Variants in DSCAM observed in about 807,000 individuals in gnomAD.
The protein encoded by DSCAM is cell adhesion molecule DSCAM.
DSCAM carries 47 observed loss-of-function variants against 217.7 expected under a neutral mutation model. The observed-to-expected ratio is 0.22, with a 90% CI of 0.17 to 0.28. DSCAM has a LOEUF of 0.28. Among genes scored for constraint, DSCAM ranks in the 10% least tolerant of loss-of-function variants. The pLI, the probability that DSCAM is intolerant of heterozygous loss-of-function variation, is 1.00. For synonymous variants in DSCAM, 1,056 were observed against 1,015.3 expected (o/e 1.04, Z -0.76); for missense variants, 2,080 against 2,618.3 (o/e 0.79, Z 4.49).
At chr21:40,219,530 T>C (rs903569561) in intron 11 of DSCAM, among the ~76,000 whole-genome samples, 4 of 152,250 alleles carry the variant, frequency 2.6e-5, no homozygotes, top group African/African-American at 9.6e-5. Flanking sequence ...TAAAGTTCTG[T>C]CTTGACTCTT....
At chr21:40,143,684 G>A (rs561562904) in intron 17 of DSCAM, among the ~76,000 whole-genome samples, 3 of 152,224 alleles carry the variant, frequency 2.0e-5, no homozygotes, top group South Asian at 2.1e-4. Flanking sequence ...CCAGCTACTC[G>A]GGAGGCTGAG....
At chr21:40,635,399 G>A (rs2089744165) in intron 3 of DSCAM, among the ~76,000 whole-genome samples, 1 of 152,156 alleles carries the variant, frequency 6.6e-6, no homozygotes, top group Admixed American at 6.5e-5. Context: ...TGATGCAGCT[G>A]CAAATTGCTA....
chr21:40,842,104 G>C (rs772942091), intron 1 of DSCAM, among the ~76,000 whole-genome samples: 1 of 152,216 alleles, frequency 6.6e-6, no homozygotes, highest in Non-Finnish European at 1.5e-5. Context: ...CTGAAGGCTG[G>C]CTGCAAGAGT....
chr21:40,634,783 A>G (rs553494486), intron 3 of DSCAM, among the ~76,000 whole-genome samples: 15 of 152,332 alleles, frequency 9.8e-5, no homozygotes, highest in African/African-American at 3.6e-4. Context: ...GTAATAACTG[A>G]GCGAGAAGAA....
rs751242984 is a variant in DSCAM at position 40,075,050 on chromosome 21, T to C, written c.4875A>G (p.Leu1625=). ...GCCTGGACCTACCTCGCAGCCTCTT[T>C]AGCCTCTGCTCCCGCCGCCTCCTCC... ...VVRRRRREQR[L]KRLRDAKSLA... The change falls in exon 27 of 33, where the codon CTA becomes CTG. Residue 1625 remains leucine (L), a synonymous_variant. Transcript: ENST00000400454. 1.2e-6 allele frequency: 2 copies of C among 1,614,020 alleles called. No individual in the cohort carries two copies. Among genetic ancestry groups the C allele is most frequent in the Admixed American group, 1.7e-5 (1 of 59,998 alleles).
intron 11 of DSCAM, among the ~76,000 whole-genome samples, chr21:40,247,161 G>A (rs1184501520): frequency 6.6e-6 from 1 of 152,092 alleles, no homozygotes; most frequent in Non-Finnish European, 1.5e-5. Context: ...ACAACACATG[G>A]GAATTCTGGG....
intron 10 of DSCAM, 60 bp from the exon 11 acceptor site, chr21:40,276,330 C>G: frequency 2.0e-6 from 3 of 1,485,598 alleles, no homozygotes; most frequent in East Asian, 2.3e-5. Context: ...GGGAAGACAA[C>G]GAGTTCAAGT....
chr21:40,167,325 G>T (rs371580035), intron 15 of DSCAM, 37 bp from the exon 16 acceptor site: 2 of 1,593,906 alleles, frequency 1.3e-6, no homozygotes, highest in Non-Finnish European at 1.7e-6. Flanking sequence ...GGTTAGAGAC[G>T]CTTTCCGGAG....
intron 1 of DSCAM, among the ~76,000 whole-genome samples, chr21:40,741,030 G>T (rs1168702020): frequency 6.6e-6 from 1 of 152,128 alleles, no homozygotes; most frequent in Non-Finnish European, 1.5e-5. Flanking sequence ...ATTTAGTGGG[G>T]GCATAGGAAT....
At chr21:40,516,826 G>A (rs1229497821) in intron 3 of DSCAM, among the ~76,000 whole-genome samples, 2 of 150,764 alleles carry the variant, frequency 1.3e-5, no homozygotes, top group African/African-American at 4.9e-5. Flanking sequence ...TTTCAAATCT[G>A]GATCTTGTTT....
At chr21:40,057,796 C>T (rs1265857517) in intron 28 of DSCAM, among the ~76,000 whole-genome samples, 1 of 151,176 alleles carries the variant, frequency 6.6e-6, no homozygotes, top group East Asian at 2.0e-4. Context: ...GATTCAGAAG[C>T]TAATTGTTTT....
intron 24 of DSCAM, among the ~76,000 whole-genome samples, chr21:40,082,384 C>T (rs1412833339): frequency 2.0e-5 from 3 of 152,134 alleles, no homozygotes; most frequent in African/African-American, 7.2e-5. Context: ...CACTTGAACC[C>T]GGGAGGCAGA....
At chr21:40,015,984 T>C (rs1245747856) in intron 32 of DSCAM, among the ~76,000 whole-genome samples, 1 of 152,222 alleles carries the variant, frequency 6.6e-6, no homozygotes, top group African/African-American at 2.4e-5. Flanking sequence ...TGCAGTACAC[T>C]GGGATGAACC....
chr21:40,134,462 A>G (rs1054347213), intron 18 of DSCAM, among the ~76,000 whole-genome samples: 19 of 152,218 alleles, frequency 1.2e-4, no homozygotes, highest in African/African-American at 4.3e-4. Context: ...TTGTTATTTT[A>G]AACAAGCTCT....
intron 3 of DSCAM, among the ~76,000 whole-genome samples, chr21:40,689,157 C>G (rs187168301): frequency 1.3e-5 from 2 of 152,218 alleles, no homozygotes; most frequent in Admixed American, 1.3e-4. Context: ...GTGAGACATA[C>G]TAATAGAAAC....
rs866124418 is a variant in DSCAM, at chr21:40,597,496, T to C, written c.508+95314A>G. Among the ~76,000 whole-genome samples the C allele has an allele frequency of 1.2e-4, 16 of 135,040 alleles. No homozygotes were observed. In the South Asian group the frequency reaches 3.9e-3, roughly 33 times the overall value. 88.6% of individuals were successfully genotyped at this position (135,040 alleles called of 152,430 possible). ...TTTTAACCTATCTTTTTTACAGTAATAGGCTTTTTTTTTTTTTTTTTTTTT... is the reference window on the plus strand; with the variant it reads ...TTTTAACCTATCTTTTTTACAGTAACAGGCTTTTTTTTTTTTTTTTTTTTT... On this transcript the variant is annotated intron_variant, in intron 3 of 32. Coordinates refer to ENST00000400454, the MANE Select transcript of DSCAM (RefSeq NM_001389.5).
At position 40,392,182 on chromosome 21, in the gene DSCAM, T is replaced by A. The variant is rs1217105713; in HGVS notation, c.509-22937A>T. 2.0e-5 allele frequency among the ~76,000 whole-genome samples: 3 copies of A among 152,330 alleles called. No homozygotes were observed. The East Asian group carries it at 5.8e-4, about 29-fold the overall frequency. On this transcript the variant is annotated intron_variant, in intron 3 of 32. Transcript: ENST00000400454. ...AATGAGAGGAATTCCTTTATTTTAA[T>A]CCTCAGTACTTCCTGAACATGCAAA...
At chr21:40,195,601 T>G (rs2090999300) in intron 11 of DSCAM, among the ~76,000 whole-genome samples, 1 of 152,072 alleles carries the variant, frequency 6.6e-6, no homozygotes, top group South Asian at 2.1e-4. Context: ...ACTTCCAGTG[T>G]TTTAACACAG....
intron 3 of DSCAM, among the ~76,000 whole-genome samples, chr21:40,610,975 T>C (rs1463528448): frequency 6.6e-6 from 1 of 151,690 alleles, no homozygotes; most frequent in Non-Finnish European, 1.5e-5. Context: ...ACATGAGACA[T>C]AAATGTGAAC....
Sources: allele counts gnomAD v4.1 joint callset (sites outside exome capture counted in the v4.1 genomes callset), GRCh38; gene constraint gnomAD v4.1.1; transcripts MANE v1.5; gene names NCBI Gene and HGNC (gene_info 2026-07-23, HGNC 2026-07-21).